Variants in PLEKHA6 observed in about 807,000 individuals in gnomAD.
The protein encoded by PLEKHA6 is pleckstrin homology domain-containing family A member 6.
A neutral mutation model predicts 116.7 loss-of-function variants in PLEKHA6; 60 were observed. The ratio of observed to expected loss-of-function variants is 0.51; its 90% CI spans 0.42 to 0.64. PLEKHA6 has a LOEUF of 0.64. Among genes scored for constraint, PLEKHA6 ranks in the 30% least tolerant of loss-of-function variants. The pLI, the probability that PLEKHA6 is intolerant of heterozygous loss-of-function variation, is 0.00. For synonymous variants in PLEKHA6, 489 were observed against 556.1 expected (o/e 0.88, Z 1.70); for missense variants, 1,338 against 1,422.7 (o/e 0.94, Z 0.96).
chr1:204,260,547 C>T (rs193286895), intron 7 of PLEKHA6, among the ~76,000 whole-genome samples: 13 of 152,280 alleles, frequency 8.5e-5, no homozygotes, highest in East Asian at 7.7e-4. Context: ...TTGGTTGAAG[C>T]GAAGATGGAA....
chr1:204,301,149 A>C, intron 1 of PLEKHA6: 15 of 577,494 alleles, frequency 2.6e-5, no homozygotes, highest in East Asian at 1.4e-4. Context: ...TAAAATCCAT[A>C]GGCCCCAAAG....
At chr1:204,337,717 G>C (rs186719337) in intron 1 of PLEKHA6, among the ~76,000 whole-genome samples, 1,276 of 122,406 alleles carry the variant, frequency 0.01, 11 homozygotes, top group African/African-American at 0.055. Flanking sequence ...TCTCTCACTT[G>C]GGGGGGGAAT....
At chr1:204,292,309 T>C (rs1019591160) in intron 1 of PLEKHA6, among the ~76,000 whole-genome samples, 1 of 152,220 alleles carries the variant, frequency 6.6e-6, no homozygotes, top group African/African-American at 2.4e-5. Flanking sequence ...ACCCTCATTT[T>C]ACAAAACAAA....
At chr1:204,326,984 G>A (rs148897587) in intron 1 of PLEKHA6, 34 of 985,268 alleles carry the variant, frequency 3.5e-5, no homozygotes, top group Middle Eastern at 5.2e-4. Context: ...CGCTGGGTAC[G>A]GCAGCCTCTG....
At chr1:204,260,504 AAATG>A (rs1453646614) in intron 7 of PLEKHA6, among the ~76,000 whole-genome samples, 1 of 152,238 alleles carries the variant, frequency 6.6e-6, no homozygotes, top group East Asian at 1.9e-4. Context: ...AGTATTTGTG[AAATG>A]AATGAATGAA....
chr1:204,246,411 A>T (rs1345670169), intron 13 of PLEKHA6, among the ~76,000 whole-genome samples: 3 of 152,124 alleles, frequency 2.0e-5, no homozygotes, highest in African/African-American at 7.2e-5. Context: ...AGCGCCCTTG[A>T]CCACAACCCT....
At chr1:204,339,026 G>A (rs1334302467) in intron 1 of PLEKHA6, among the ~76,000 whole-genome samples, 1 of 152,214 alleles carries the variant, frequency 6.6e-6, no homozygotes, top group Non-Finnish European at 1.5e-5. Flanking sequence ...GACTCCTGAG[G>A]CTAGGGCATA....
rs539242540 is a variant in PLEKHA6, at chr1:204,282,970, T to C, written c.-94-8161A>G. 2.0e-3 allele frequency among the ~76,000 whole-genome samples: 298 copies of C among 152,260 alleles called. 3 individuals are homozygous for C. Among genetic ancestry groups the C allele is most frequent in the African/African-American group, 6.1e-3 (255 of 41,548 alleles). ...CTGACAGCCAGCAATGTGGAACGGA[T>C]CCCAAGGGGTAACAGGGCAGGGCAA... On this transcript the variant is annotated intron_variant, in intron 1 of 22. Coordinates refer to ENST00000272203, the MANE Select transcript of PLEKHA6 (RefSeq NM_014935.5).
Position 204,257,477 on chromosome 1 carries a change from C to A in PLEKHA6, c.1400G>T (p.Arg467Leu). The A allele has an allele frequency of 3.2e-6, 5 of 1,577,356 alleles. No individual in the cohort carries two copies. The highest frequency in any genetic ancestry group is 4.3e-6 in the Non-Finnish European group (5 of 1,160,148). The part of the protein sequence containing the change: ...PRSPSQGSYS[R>L]ARIYSPVRSP... ...GCGGACAGGGGAGTAAATGCGGGCA[C>A]GGCTGTAGGAGCCCTGGCTGGGTGA... The change falls in exon 9 of 23, where the codon CGT becomes CTT. Residue 467 changes from arginine (R) to leucine (L), a missense_variant. This residue lies in a region of PLEKHA6 where 1,136 missense variants were observed against 1,163.6 expected (regional missense o/e 0.98). Coordinates refer to ENST00000272203, the MANE Select transcript of PLEKHA6 (RefSeq NM_014935.5). The surrounding 1 kb of genome is among the most constrained non-coding windows in gnomAD (Gnocchi z 6.5).
chr1:204,233,834 T>C (rs4078212), intron 17 of PLEKHA6, among the ~76,000 whole-genome samples: 78,489 of 151,784 alleles, frequency 0.52, 20,903 homozygotes, highest in African/African-American at 0.66. Flanking sequence ...CAGATGGAGA[T>C]GATTTAGATG....
At position 204,257,374 on chromosome 1, in the gene PLEKHA6, C is replaced by T. The variant is rs1217995807; in HGVS notation, c.1503G>A (p.Arg501=). ...IYADPAAYVM[R]RSISSPKVPP... The stretch of plus-strand genomic sequence containing the variant: ...TCACCTTGGGGGAGCTGATGGATCG[C>T]CTCATCACATAGGCAGCAGGGTCAG... Residue 501 remains arginine (R), a synonymous_variant, in exon 9 of 23, where the codon AGG becomes AGA. Transcript: ENST00000272203. This position sits in a 1 kb window ranked among gnomAD's most constrained non-coding sequence, Gnocchi z 6.5. The T allele has an allele frequency of 3.5e-5, 55 of 1,562,658 alleles. No individual in the cohort carries two copies. The highest frequency in any genetic ancestry group is 4.4e-5 in the Non-Finnish European group (51 of 1,153,074).
At chr1:204,376,521 A>C (rs570248089) in intron 1 of PLEKHA6, among the ~76,000 whole-genome samples, 1 of 152,360 alleles carries the variant, frequency 6.6e-6, no homozygotes, top group Non-Finnish European at 1.5e-5. Flanking sequence ...TAATTACAGA[A>C]CAAAGGCCTA....
intron 1 of PLEKHA6, among the ~76,000 whole-genome samples, chr1:204,296,327 A>AT (rs552676018): frequency 5.0e-4 from 73 of 146,298 alleles, no homozygotes; most frequent in South Asian, 1.5e-3. Flanking sequence ...GCTTTGCCTG[A>AT]TTTTTTTTTT....
chr1:204,240,439 G>T (rs1662644916), intron 17 of PLEKHA6, among the ~76,000 whole-genome samples: 1 of 152,238 alleles, frequency 6.6e-6, no homozygotes. Flanking sequence ...TAATGGTCAT[G>T]AGTATTTCCT....
intron 9 of PLEKHA6, chr1:204,255,729 G>T: frequency 1.4e-6 from 1 of 699,546 alleles, no homozygotes; most frequent in South Asian, 1.5e-5. Context: ...AAACAAACAG[G>T]AACACACAAA....
intron 1 of PLEKHA6, among the ~76,000 whole-genome samples, chr1:204,322,661 C>G (rs1039726433): frequency 1.3e-5 from 2 of 152,190 alleles, no homozygotes; most frequent in Non-Finnish European, 2.9e-5. Context: ...AATGGGCAGG[C>G]AGCAGATAAT....
At chr1:204,251,416 C>G in intron 9 of PLEKHA6, 1 of 617,114 alleles carries the variant, frequency 1.6e-6, no homozygotes, top group Admixed American at 2.4e-5. Context: ...AAGCCTGTCT[C>G]CAGGCAGATG....
chr1:204,258,731 C>T (rs779117088), intron 8 of PLEKHA6, among the ~76,000 whole-genome samples: 10 of 152,190 alleles, frequency 6.6e-5, no homozygotes, highest in East Asian at 1.9e-4. Context: ...TGGATAAAGG[C>T]GTAAATGGTC....
At chr1:204,340,663 C>A (rs1672814494) in intron 1 of PLEKHA6, among the ~76,000 whole-genome samples, 1 of 152,142 alleles carries the variant, frequency 6.6e-6, no homozygotes, top group South Asian at 2.1e-4. Flanking sequence ...CACTCGTTGG[C>A]CAGCAACATT....
Sources: allele counts gnomAD v4.1 joint callset (sites outside exome capture counted in the v4.1 genomes callset), GRCh38; gene constraint gnomAD v4.1.1; regional missense constraint gnomAD v4.1.1; non-coding constraint Gnocchi (gnomAD v3.1); transcripts MANE v1.5; gene names NCBI Gene and HGNC (gene_info 2026-07-23, HGNC 2026-07-21).